ALDH9A1: variants seen among roughly 807,000 people sequenced by gnomAD.
The protein encoded by ALDH9A1 is aldehyde dehydrogenase 9 family member A1, also known as 4-trimethylaminobutyraldehyde dehydrogenase.
ALDH9A1 carries 42 observed loss-of-function variants against 56.6 expected under a neutral mutation model. That is an observed-to-expected ratio of 0.74 (90% CI 0.58 to 0.96). The LOEUF is 0.96. Ranked by LOEUF, ALDH9A1 falls within the 40% of genes least tolerant of loss-of-function variation. ALDH9A1 has a pLI of 0.00. For synonymous variants in ALDH9A1, 242 were observed against 236.0 expected, an observed-to-expected ratio of 1.03 and a Z score of -0.23; for missense variants, 661 against 651.5, an observed-to-expected ratio of 1.01 and a Z score of -0.16.
chr1:165,694,242 T>C (rs76248384), intron 2 of ALDH9A1, among the ~76,000 whole-genome samples: 1 of 151,256 alleles, frequency 6.6e-6, no homozygotes, highest in Non-Finnish European at 1.5e-5. Context: ...GGATTATCAC[T>C]TGTTCCTCGC....
chr1:165,678,879 G>A (rs755894224), intron 6 of ALDH9A1, among the ~76,000 whole-genome samples: 27 of 152,098 alleles, frequency 1.8e-4, no homozygotes, highest in Non-Finnish European at 3.1e-4. Flanking sequence ...CGTCCTGAAA[G>A]ACAAGAATAA....
intron 9 of ALDH9A1, among the ~76,000 whole-genome samples, chr1:165,666,726 C>T (rs7516126): frequency 0.73 from 110,270 of 151,936 alleles, 40,453 homozygotes; most frequent in East Asian, 0.99. Flanking sequence ...AACTGCCTTC[C>T]ACTGCCAAAG....
At chr1:165,683,143 A>T in intron 2 of ALDH9A1, 33 bp from the exon 3 acceptor site, 1 of 1,607,986 alleles carries the variant, frequency 6.2e-7, no homozygotes, top group Non-Finnish European at 8.5e-7. Flanking sequence ...GATTTAAGAC[A>T]TATTCCAATA....
chr1:165,678,091 T>G (rs1389066713), intron 6 of ALDH9A1, among the ~76,000 whole-genome samples: 1 of 151,854 alleles, frequency 6.6e-6, no homozygotes, highest in Non-Finnish European at 1.5e-5. Context: ...ATCCCAGCAC[T>G]TTGGGAGGCC....
At chr1:165,674,924 T>G (rs2101741823) in intron 6 of ALDH9A1, among the ~76,000 whole-genome samples, 1 of 152,286 alleles carries the variant, frequency 6.6e-6, no homozygotes, top group East Asian at 1.9e-4. Context: ...CCAGGCGTGG[T>G]GGCTCACGCC....
At chr1:165,689,732 G>A (rs557132091) in intron 2 of ALDH9A1, among the ~76,000 whole-genome samples, 1 of 151,942 alleles carries the variant, frequency 6.6e-6, no homozygotes, top group African/African-American at 2.4e-5. Flanking sequence ...TCAGGAGTTT[G>A]AGACGAGCCT....
At chr1:165,696,213 C>G (rs1275307829) in intron 1 of ALDH9A1, among the ~76,000 whole-genome samples, 1 of 152,094 alleles carries the variant, frequency 6.6e-6, no homozygotes, top group African/African-American at 2.4e-5. Flanking sequence ...AGTTGCAGAC[C>G]TCTCTCCAGA....
chr1:165,664,800 C>G (rs1648956353), intron 10 of ALDH9A1, among the ~76,000 whole-genome samples: 1 of 152,330 alleles, frequency 6.6e-6, no homozygotes, highest in African/African-American at 2.4e-5. Flanking sequence ...GGCTATACAT[C>G]AGAACCCTCC....
chr1:165,693,119 A>G (rs1451202933), intron 2 of ALDH9A1, among the ~76,000 whole-genome samples: 1 of 152,204 alleles, frequency 6.6e-6, no homozygotes. Flanking sequence ...ACCCTAGAAG[A>G]AAACCTAGGC....
At position 165,675,269 on chromosome 1, in the gene ALDH9A1, A is replaced by C. The variant is rs777501183; in HGVS notation, c.930+4173T>G. Among the ~76,000 whole-genome samples the C allele has an allele frequency of 4.2e-4, 64 of 151,680 alleles. 2 individuals carry two copies. Among genetic ancestry groups the C allele is most frequent in the African/African-American group, 1.4e-3 (56 of 41,352 alleles). On this transcript the variant is annotated intron_variant, in intron 6 of 10. Transcript: ENST00000354775. Reference sequence around the variant, plus strand: ...TAGTGCTCTCTCTCTCTCTCTATATATATATAAAGTATACATAGTACAGAT... The same window carrying C: ...TAGTGCTCTCTCTCTCTCTCTATATCTATATAAAGTATACATAGTACAGAT...
intron 10 of ALDH9A1, among the ~76,000 whole-genome samples, chr1:165,663,639 GC>G (rs1648911105): frequency 1.3e-5 from 2 of 152,204 alleles, no homozygotes; most frequent in Non-Finnish European, 2.9e-5. Flanking sequence ...TCAAGACACT[GC>G]CCAATTACTA....
intron 6 of ALDH9A1, among the ~76,000 whole-genome samples, chr1:165,673,427 C>T (rs1389668114): frequency 6.6e-6 from 1 of 152,170 alleles, no homozygotes; most frequent in Non-Finnish European, 1.5e-5. Flanking sequence ...AATAAACTTA[C>T]TTTCACTTTA....
rs779617959 is a variant in ALDH9A1, at chr1:165,680,498, T to G, written c.778A>C (p.Thr260Pro). The G allele has an allele frequency of 8.7e-6, 14 of 1,613,916 alleles. No homozygotes were observed. The highest frequency in any genetic ancestry group is 1.7e-6 in the Non-Finnish European group (2 of 1,179,984). The change falls in exon 5 of 11, where the codon ACT (threonine) becomes CCT (proline). Residue 260 changes from threonine to proline, a missense_variant. By Grantham distance (38) the Thr-to-Pro change is conservative (BLOSUM62 -1). Transcript: ENST00000354775. ...GGTTTTGTCCTCACCTTCATGCCAG[T>G]GGGCACACTTCCAGTGAAGGAGACT... ...AKVSFTGSVP[T>P]GMKIMEMSAK...
chr1:165,698,562 T>C lies in ALDH9A1; in HGVS notation c.-4A>G, dbSNP rs368809267. 3 of 1,596,458 alleles carry C rather than the reference T, an allele frequency of 1.9e-6. No individual in the cohort carries two copies. The highest frequency in any genetic ancestry group is 2.8e-5 in the African/African-American group (2 of 71,746). On this transcript the variant is annotated 5_prime_UTR_variant, in exon 1 of 11. Transcript: ENST00000354775. ...CCAGGCCTGCTCGGAGAAACATGAG[T>C]GGCGGACGCAGCTCCGCGGCAGAGG...
At chr1:165,698,236 C>T (rs1571190149) in intron 1 of ALDH9A1, 142 bp downstream of exon 1, 3 of 1,391,212 alleles carry the variant, frequency 2.2e-6, no homozygotes, top group Non-Finnish European at 1.9e-6. Context: ...TCGCTAGTTG[C>T]CTACACACAC....
intron 1 of ALDH9A1, 41 bp downstream of exon 1, chr1:165,698,337 G>GGCCCCAGGGC: frequency 6.4e-7 from 1 of 1,558,588 alleles, no homozygotes; most frequent in Non-Finnish European, 8.6e-7. Context: ...CCGCGCATCC[G>GGCCCCAGGGC]GCCCCAGGGC....
At chr1:165,663,650 A>G (rs138993412) in intron 10 of ALDH9A1, among the ~76,000 whole-genome samples, 1 of 152,330 alleles carries the variant, frequency 6.6e-6, no homozygotes, top group African/African-American at 2.4e-5. Flanking sequence ...CCCAATTACT[A>G]GTGGGTGAGG....
At position 165,667,413 on chromosome 1, in the gene ALDH9A1, C is replaced by A; in HGVS notation, c.1245G>T (p.Glu415Asp). The A allele has an allele frequency of 6.2e-7, 1 of 1,614,112 alleles. No individual in the cohort carries two copies. Among genetic ancestry groups the A allele is most frequent in the South Asian group, 1.1e-5 (1 of 91,088 alleles). Reference protein sequence around the residue: ...CRDDMTCVKEEIFGPVMSILS... With the variant: ...CRDDMTCVKEDIFGPVMSILS... Reference sequence around the variant, plus strand: ...AAATGGACATAACAGGCCCAAAGATCTCTTCCTTCACACAGGTCATGTCGT... The same window carrying A: ...AAATGGACATAACAGGCCCAAAGATATCTTCCTTCACACAGGTCATGTCGT... Residue 415 changes from glutamate (E) to aspartate (D), a missense_variant, in exon 9 of 11, where the codon GAG (glutamate) becomes GAT (aspartate). Coordinates refer to ENST00000354775, the MANE Select transcript of ALDH9A1 (RefSeq NM_000696.4).
chr1:165,696,824 G>A (rs966780967), intron 1 of ALDH9A1, among the ~76,000 whole-genome samples: 1 of 152,200 alleles, frequency 6.6e-6, no homozygotes, highest in Non-Finnish European at 1.5e-5. Flanking sequence ...GGCGGTGGCT[G>A]AGGATCACAC....
Sources: gnomAD v4.1 joint callset for allele counts (sites outside exome capture counted in the v4.1 genomes callset) on GRCh38, gnomAD v4.1.1 for gene constraint, MANE v1.5 for transcripts, NCBI Gene and HGNC (gene_info 2026-07-23, HGNC 2026-07-21) for gene names.